SEC63: variants seen among roughly 807,000 people sequenced by gnomAD.
SEC63 encodes SEC63 protein translocation regulator.
Under a neutral mutation model 116.2 loss-of-function variants are expected in SEC63, and 56 were observed. The observed-to-expected ratio is 0.48, with a 90% CI of 0.39 to 0.60. The LOEUF (loss-of-function observed/expected upper bound fraction) is 0.60, where lower values mean the gene tolerates loss of function less well. SEC63 is among the 20% of genes least tolerant of loss of function. SEC63 has a pLI of 0.00. For missense variants in SEC63, 668 were observed against 900.0 expected (o/e 0.74, Z 3.30); for synonymous variants, 273 against 294.6 (o/e 0.93, Z 0.75).
intron 3 of SEC63, among the ~76,000 whole-genome samples, chr6:107,923,457 C>T (rs996097387): frequency 6.6e-6 from 1 of 152,014 alleles, no homozygotes; most frequent in Non-Finnish European, 1.5e-5. Flanking sequence ...CAGGTTTAAT[C>T]AAAAAATCAC....
chr6:107,915,104 T>C (rs1787368673), intron 4 of SEC63, among the ~76,000 whole-genome samples: 1 of 152,214 alleles, frequency 6.6e-6, no homozygotes, highest in Non-Finnish European at 1.5e-5. Context: ...AGAGTTAAAG[T>C]ACTTAAAAGC....
At chr6:107,919,810 A>T (rs1467465011) in intron 4 of SEC63, among the ~76,000 whole-genome samples, 1 of 151,638 alleles carries the variant, frequency 6.6e-6, no homozygotes, top group African/African-American at 2.4e-5. Context: ...CGACAGAGCA[A>T]GACTCCATCT....
At chr6:107,932,461 C>T (rs1787833041) in intron 1 of SEC63, among the ~76,000 whole-genome samples, 1 of 152,022 alleles carries the variant, frequency 6.6e-6, no homozygotes, top group South Asian at 2.1e-4. Context: ...GCAAGAAGTA[C>T]CGAAACCAAG....
At chr6:107,885,296 GAAT>G (rs550754481) in intron 16 of SEC63, among the ~76,000 whole-genome samples, 137 of 152,316 alleles carry the variant, frequency 9.0e-4, no homozygotes, top group African/African-American at 3.1e-3. Flanking sequence ...CAAATGGTTA[GAAT>G]TATTGCCAAT....
At chr6:107,926,215 G>A (rs897416039) in intron 2 of SEC63, among the ~76,000 whole-genome samples, 4 of 152,094 alleles carry the variant, frequency 2.6e-5, no homozygotes, top group Non-Finnish European at 5.9e-5. Flanking sequence ...AAAACTCTAT[G>A]TATATAAAAG....
intron 4 of SEC63, among the ~76,000 whole-genome samples, chr6:107,921,208 A>C (rs2114475521): frequency 6.6e-6 from 1 of 152,248 alleles, no homozygotes; most frequent in South Asian, 2.1e-4. Flanking sequence ...AAAAAAAAAA[A>C]TCTAGAAATG....
intron 14 of SEC63, among the ~76,000 whole-genome samples, chr6:107,896,341 G>GT (rs1185627373): frequency 6.6e-6 from 1 of 152,046 alleles, no homozygotes; most frequent in Non-Finnish European, 1.5e-5. Flanking sequence ...GCACATGCCT[G>GT]TAATGCCAGC....
At position 107,934,207 on chromosome 6, in the gene SEC63, C is replaced by A. The variant is rs560183352; in HGVS notation, c.125-4693G>T. ...ATCGTCTGGGACGTGAGGAGCCCCT[C>A]TGCCTGGCTGCCCAGTCTGGAAAGT... On this transcript the variant is annotated intron_variant, in intron 1 of 20. Transcript: ENST00000369002. Among the ~76,000 whole-genome samples the A allele has an allele frequency of 4.1e-3, 624 of 151,372 alleles. 3 individuals carry two copies. The highest frequency in any genetic ancestry group is 0.014 in the African/African-American group (586 of 41,240).
chr6:107,888,737 A>T (rs1786600091), intron 16 of SEC63, among the ~76,000 whole-genome samples: 1 of 152,108 alleles, frequency 6.6e-6, no homozygotes, highest in Non-Finnish European at 1.5e-5. Flanking sequence ...GTTTGTCATA[A>T]ATAGCTCTTA....
At chr6:107,874,581 G>C (rs62427384) in intron 19 of SEC63, among the ~76,000 whole-genome samples, 113,108 of 139,646 alleles carry the variant, frequency 0.81, 46,681 homozygotes, top group South Asian at 0.91. Flanking sequence ...GGGCGACACA[G>C]TGAGACTCTG....
At chr6:107,913,970 G>A (rs150913737) in intron 4 of SEC63, among the ~76,000 whole-genome samples, 1 of 152,270 alleles carries the variant, frequency 6.6e-6, no homozygotes, top group East Asian at 1.9e-4. Context: ...AAGGTAATTT[G>A]CACTGTGCTA....
At chr6:107,910,400 A>G (rs947273839) in intron 7 of SEC63, among the ~76,000 whole-genome samples, 1 of 152,152 alleles carries the variant, frequency 6.6e-6, no homozygotes, top group African/African-American at 2.4e-5. Flanking sequence ...CCCAGGAGGT[A>G]GAGGCTGCAG....
At chr6:107,892,867 G>A (rs1168396578) in intron 16 of SEC63, among the ~76,000 whole-genome samples, 1 of 152,136 alleles carries the variant, frequency 6.6e-6, no homozygotes, top group African/African-American at 2.4e-5. Context: ...ACTCTCACAC[G>A]TAGGTAAGAG....
At chr6:107,919,692 G>C (rs1188217058) in intron 4 of SEC63, among the ~76,000 whole-genome samples, 1 of 151,910 alleles carries the variant, frequency 6.6e-6, no homozygotes, top group Non-Finnish European at 1.5e-5. Flanking sequence ...CATGTTGGCG[G>C]GTGCCTGTAG....
intron 16 of SEC63, chr6:107,883,536 T>C (rs1050110635): frequency 1.3e-4 from 28 of 208,306 alleles, no homozygotes; most frequent in African/African-American, 6.2e-4. Context: ...GACTCATGCA[T>C]GTAATCTTAG....
rs574888795 is a variant in SEC63 at position 107,899,036 on chromosome 6, T to C, written c.1358-1305A>G. ...ATCTGGGCCACATATTCATCTACAT[T>C]TTTCATTTTGCACAGCTGTATGTGC... On this transcript the variant is annotated intron_variant, in intron 13 of 20. Transcript: ENST00000369002. Among the ~76,000 whole-genome samples the C allele has an allele frequency of 3.3e-5, 5 of 152,310 alleles. No homozygotes were observed. The South Asian group carries it at 6.2e-4, about 19-fold the overall frequency.
chr6:107,915,216 T>TA (rs1199514182), intron 4 of SEC63, among the ~76,000 whole-genome samples: 2 of 152,116 alleles, frequency 1.3e-5, no homozygotes, highest in Non-Finnish European at 2.9e-5. Context: ...TAAACATGAT[T>TA]ATATCCCTTA....
At position 107,871,401 on chromosome 6, in the gene SEC63, T is replaced by C. The variant is rs996946298; in HGVS notation, c.*303A>G. 3.8e-5 allele frequency: 15 copies of C among 391,618 alleles called. No individual in the cohort carries two copies. The highest frequency in any genetic ancestry group is 2.3e-4 in the East Asian group (4 of 17,144). The allele number at this position is 391,618 out of a possible 1,614,324, so 24.3% of individuals were successfully genotyped here. A position where few individuals can be genotyped will look rare whatever the true frequency, so the allele number is the denominator to read the frequency against. The stretch of plus-strand genomic sequence containing the variant: ...TGCATCTTTACTTTTACTGGGACCA[T>C]AGACTGATCAGATAATACATAGCCC... On this transcript the variant is annotated 3_prime_UTR_variant, in exon 21 of 21. Coordinates refer to ENST00000369002, the MANE Select transcript of SEC63 (RefSeq NM_007214.5).
intron 16 of SEC63, among the ~76,000 whole-genome samples, chr6:107,885,451 C>A (rs1786505840): frequency 6.6e-6 from 1 of 152,116 alleles, no homozygotes; most frequent in Admixed American, 6.5e-5. Context: ...GAAAGATGTG[C>A]CATACCTCTG....
Sources: allele counts gnomAD v4.1 joint callset (sites outside exome capture counted in the v4.1 genomes callset), GRCh38; gene constraint gnomAD v4.1.1; transcripts MANE v1.5; gene names NCBI Gene and HGNC (gene_info 2026-07-23, HGNC 2026-07-21).